DIAPH3: variants seen among roughly 807,000 people sequenced by gnomAD.
DIAPH3 encodes diaphanous related formin 3.
In DIAPH3, 117 loss-of-function variants were observed where a neutral mutation model predicts 144.3. That is an observed-to-expected ratio of 0.81 (90% CI 0.70 to 0.95). The LOEUF is 0.95. Ranked by LOEUF, DIAPH3 falls within the 40% of genes least tolerant of loss-of-function variation. DIAPH3 has a pLI of 0.00. For synonymous variants in DIAPH3, 519 were observed against 488.9 expected, an observed-to-expected ratio of 1.06 and a Z score of -0.81; for missense variants, 1,421 against 1,412.7, an observed-to-expected ratio of 1.01 and a Z score of -0.09.
chr13:59,803,948 G>A (rs759100576), intron 25 of DIAPH3, among the ~76,000 whole-genome samples: 2 of 152,288 alleles, frequency 1.3e-5, no homozygotes, highest in South Asian at 2.1e-4. Flanking sequence ...GTTGGTGGAC[G>A]TGGAAGAATG....
rs1391938610 is a variant in DIAPH3, at chr13:59,886,186, C to G, written c.2368-6718G>C. Among the ~76,000 whole-genome samples the G allele has an allele frequency of 2.0e-5, 3 of 152,056 alleles. No homozygotes were observed. In the South Asian group the frequency reaches 6.2e-4, roughly 32 times the overall value. ...TTATCTTTTCATGTTTAGGTCCGTA[C>G]TCCATTCCTCTAATTATTCAGTAAG... On this transcript the variant is annotated intron_variant, in intron 20 of 27. Coordinates refer to ENST00000400324, the MANE Select transcript of DIAPH3 (RefSeq NM_001042517.2).
At chr13:59,675,833 A>G (rs2032622176) in intron 27 of DIAPH3, among the ~76,000 whole-genome samples, 1 of 152,192 alleles carries the variant, frequency 6.6e-6, no homozygotes, top group South Asian at 2.1e-4. Flanking sequence ...TGGCAAATAG[A>G]CATGTTGTGA....
At chr13:59,898,740 C>T (rs1375702793) in intron 20 of DIAPH3, among the ~76,000 whole-genome samples, 1 of 151,980 alleles carries the variant, frequency 6.6e-6, no homozygotes, top group African/African-American at 2.4e-5. Context: ...AATGAGAAGC[C>T]GATGAGTACT....
intron 27 of DIAPH3, among the ~76,000 whole-genome samples, chr13:59,745,658 C>A (rs547046514): frequency 6.6e-6 from 1 of 152,254 alleles, no homozygotes; most frequent in Admixed American, 6.5e-5. Context: ...CCAGACTTCA[C>A]TGAAACAATG....
At position 60,145,094 on chromosome 13, in the gene DIAPH3, C is replaced by G. The variant is rs551973341; in HGVS notation, c.181-12105G>C. On this transcript the variant is annotated intron_variant, in intron 1 of 27. Coordinates refer to ENST00000400324, the MANE Select transcript of DIAPH3 (RefSeq NM_001042517.2). ...GCAACCCTAAAAACTCGCTATTATC[C>G]CCATCTTAGAGAACAGGAAATTGAA... is the stretch of plus-strand genomic sequence containing the variant. Among the ~76,000 whole-genome samples, 107 of 152,206 alleles carry G rather than the reference C, an allele frequency of 7.0e-4. 1 individual carries two copies. The highest frequency in any genetic ancestry group is 1.2e-3 in the Non-Finnish European group (80 of 68,020).
intron 4 of DIAPH3, among the ~76,000 whole-genome samples, chr13:60,059,797 GA>G (rs530977772): frequency 6.6e-6 from 1 of 152,016 alleles, no homozygotes; most frequent in Non-Finnish European, 1.5e-5. Context: ...TGAACGGATA[GA>G]AAAAATCCAC....
intron 4 of DIAPH3, among the ~76,000 whole-genome samples, chr13:60,043,432 T>C (rs2055836937): frequency 6.6e-6 from 1 of 152,196 alleles, no homozygotes. Context: ...CTTCCTGGTT[T>C]TTCTTTTGTA....
chr13:59,814,813 T>G (rs2040677816), intron 24 of DIAPH3, among the ~76,000 whole-genome samples: 1 of 152,224 alleles, frequency 6.6e-6, no homozygotes, highest in Non-Finnish European at 1.5e-5. Context: ...TGAGTGTTAC[T>G]TGCCAGACAG....
intron 27 of DIAPH3, among the ~76,000 whole-genome samples, chr13:59,676,559 AT>A (rs1490962467): frequency 6.6e-6 from 1 of 152,220 alleles, no homozygotes; most frequent in Non-Finnish European, 1.5e-5. Context: ...TCATTAGTTA[AT>A]TCAGTGAGGG....
At chr13:60,161,714 C>G (rs1173292342) in intron 1 of DIAPH3, among the ~76,000 whole-genome samples, 1 of 152,150 alleles carries the variant, frequency 6.6e-6, no homozygotes, top group East Asian at 1.9e-4. Flanking sequence ...GTAGACAGCC[C>G]AGGTTGCAAA....
chr13:59,875,510 GAGAA>G (rs1181778489), intron 21 of DIAPH3, among the ~76,000 whole-genome samples: 1 of 150,948 alleles, frequency 6.6e-6, no homozygotes. Context: ...AAGAGAGGAG[GAGAA>G]AGAGAGATTG....
intron 17 of DIAPH3, among the ~76,000 whole-genome samples, chr13:59,925,588 C>A (rs1048023031): frequency 6.7e-6 from 1 of 148,190 alleles, no homozygotes; most frequent in Non-Finnish European, 1.5e-5. Flanking sequence ...AGGAAGAATT[C>A]TCTCCTCTTC....
At chr13:59,957,566 G>T (rs935980402) in intron 17 of DIAPH3, among the ~76,000 whole-genome samples, 2 of 152,106 alleles carry the variant, frequency 1.3e-5, no homozygotes, top group Non-Finnish European at 2.9e-5. Flanking sequence ...CATGAGAACA[G>T]ACAATTATAG....
intron 5 of DIAPH3, among the ~76,000 whole-genome samples, chr13:60,025,671 T>C (rs2054328800): frequency 1.3e-5 from 2 of 151,964 alleles, no homozygotes; most frequent in African/African-American, 4.8e-5. Context: ...AAGAAATGAA[T>C]TCAACAACAA....
intron 20 of DIAPH3, among the ~76,000 whole-genome samples, chr13:59,896,705 C>G (rs2046121844): frequency 1.3e-5 from 2 of 152,082 alleles, no homozygotes; most frequent in Admixed American, 1.3e-4. Context: ...ATCCGGGATA[C>G]CTAGTCAGAG....
chr13:60,091,246 A>ATATGTT (rs1566760501), intron 4 of DIAPH3, among the ~76,000 whole-genome samples: 1 of 152,124 alleles, frequency 6.6e-6, no homozygotes, highest in Non-Finnish European at 1.5e-5. Flanking sequence ...CCTATTACAT[A>ATATGTT]TATGTTTATG....
chr13:59,962,222 A>G (rs2140504294), intron 17 of DIAPH3, among the ~76,000 whole-genome samples: 1 of 152,276 alleles, frequency 6.6e-6, no homozygotes, highest in African/African-American at 2.4e-5. Flanking sequence ...CTTTTTTGCC[A>G]AAGACCCCAT....
intron 13 of DIAPH3, among the ~76,000 whole-genome samples, chr13:59,982,194 A>G (rs2051059927): frequency 6.6e-6 from 1 of 151,492 alleles, no homozygotes; most frequent in Non-Finnish European, 1.5e-5. Flanking sequence ...CAGTAAATAC[A>G]ATTAATTTAT....
intron 27 of DIAPH3, among the ~76,000 whole-genome samples, chr13:59,724,739 A>T (rs2035523599): frequency 6.6e-6 from 1 of 152,250 alleles, no homozygotes; most frequent in Non-Finnish European, 1.5e-5. Context: ...ACAGATAGTG[A>T]AAGAAATCGT....
Sources: allele counts gnomAD v4.1 joint callset (sites outside exome capture counted in the v4.1 genomes callset), GRCh38; gene constraint gnomAD v4.1.1; transcripts MANE v1.5; gene names NCBI Gene and HGNC (gene_info 2026-07-23, HGNC 2026-07-21).